The following CSMD1 variants were observed in gnomAD, a reference collection of about 807,000 sequenced individuals.
The protein encoded by CSMD1 is CUB and Sushi multiple domains 1, also known as CUB and sushi domain-containing protein 1.
CSMD1 carries 213 observed loss-of-function variants against 417.5 expected under a neutral mutation model. The observed-to-expected ratio is 0.51, with a 90% confidence interval of 0.46 to 0.57. The LOEUF (loss-of-function observed/expected upper bound fraction) is 0.57. CSMD1 is among the 20% of genes least tolerant of loss of function. The pLI, the probability that CSMD1 is intolerant of heterozygous loss-of-function variation, is 0.00. For synonymous variants in CSMD1, 2,862 were observed against 1,736.8 expected, an observed-to-expected ratio of 1.65 and a Z score of -16.11; for missense variants, 6,923 against 4,529.7, an observed-to-expected ratio of 1.53 and a Z score of -15.17.
At chr8:3,321,964 G>A (rs1292523458) in intron 23 of CSMD1, among the ~76,000 whole-genome samples, 1 of 152,150 alleles carries the variant, frequency 6.6e-6, no homozygotes, top group Non-Finnish European at 1.5e-5. Context: ...AACCTACACA[G>A]TTTCATAAAG....
intron 3 of CSMD1, among the ~76,000 whole-genome samples, chr8:4,111,666 G>A (rs1801862951): frequency 6.6e-6 from 1 of 152,166 alleles, no homozygotes; most frequent in Non-Finnish European, 1.5e-5. Flanking sequence ...AATTCCTGCA[G>A]GAAGCAAAAG....
chr8:3,271,209 G>T (rs888432273), intron 26 of CSMD1, among the ~76,000 whole-genome samples: 3 of 151,744 alleles, frequency 2.0e-5, no homozygotes, highest in African/African-American at 7.3e-5. Context: ...ATAGTTTACT[G>T]AGAATGATGA....
intron 3 of CSMD1, among the ~76,000 whole-genome samples, chr8:4,271,708 T>C (rs1338772841): frequency 6.6e-6 from 1 of 152,172 alleles, no homozygotes. Flanking sequence ...TAATCCTAAC[T>C]CACTACTAAA....
At chr8:3,874,694 C>G (rs1355875276) in intron 5 of CSMD1, among the ~76,000 whole-genome samples, 1 of 152,110 alleles carries the variant, frequency 6.6e-6, no homozygotes, top group African/African-American at 2.4e-5. Context: ...CTGCAAGTCC[C>G]TCCTACAACA....
intron 40 of CSMD1, among the ~76,000 whole-genome samples, chr8:3,150,701 A>G (rs1819143073): frequency 6.6e-6 from 1 of 152,188 alleles, no homozygotes; most frequent in Admixed American, 6.5e-5. Context: ...TGCTGTAGAG[A>G]AAATCACAAG....
chr8:3,455,076 T>C (rs139159024), intron 12 of CSMD1, among the ~76,000 whole-genome samples: 1 of 152,222 alleles, frequency 6.6e-6, no homozygotes, highest in East Asian at 1.9e-4. Context: ...CTTCCATCAC[T>C]GATACCCTTT....
intron 26 of CSMD1, among the ~76,000 whole-genome samples, chr8:3,242,715 G>A (rs1422295003): frequency 6.6e-6 from 1 of 151,864 alleles, no homozygotes; most frequent in Non-Finnish European, 1.5e-5. Flanking sequence ...CCATAGTGAA[G>A]GAAGCAAGCC....
At chr8:3,532,921 G>A (rs993403829) in intron 10 of CSMD1, among the ~76,000 whole-genome samples, 4 of 152,068 alleles carry the variant, frequency 2.6e-5, no homozygotes, top group African/African-American at 9.7e-5. Context: ...TATAAACCAT[G>A]ACATAGCACA....
intron 1 of CSMD1, among the ~76,000 whole-genome samples, chr8:4,774,987 A>G (rs1381596834): frequency 6.6e-6 from 1 of 152,184 alleles, no homozygotes; most frequent in African/African-American, 2.4e-5. Flanking sequence ...CAAATTACCC[A>G]GCCTCAGGTA....
At chr8:3,552,578 A>G (rs1433848983) in intron 10 of CSMD1, among the ~76,000 whole-genome samples, 1 of 152,196 alleles carries the variant, frequency 6.6e-6, no homozygotes, top group Non-Finnish European at 1.5e-5. Context: ...CATTGTGGTT[A>G]TGCAAATATA....
intron 1 of CSMD1, among the ~76,000 whole-genome samples, chr8:4,862,126 T>A (rs1186925691): frequency 6.6e-6 from 1 of 151,768 alleles, no homozygotes; most frequent in Non-Finnish European, 1.5e-5. Flanking sequence ...GCTCTAAGGG[T>A]CTGGGGACAA....
In CSMD1 at chr8:3,586,269, T is replaced by TAA; in HGVS notation, c.1098-10_1098-9insTT. 6.9e-7 allele frequency: 1 copy of TAA among 1,442,262 alleles called. No individual in the cohort carries two copies. The allele number at this position is 1,442,262 out of a possible 1,614,324, so 89.3% of individuals were successfully genotyped here. ...GTACATTTGCACCAACCCTAAGCCG[T>TAA]TAAAAAAGAAAAAAAAAAACCCAAA... On this transcript the variant is annotated splice_polypyrimidine_tract_variant and intron_variant, in intron 8 of 69. Transcript: ENST00000635120.
intron 3 of CSMD1, among the ~76,000 whole-genome samples, chr8:4,078,848 C>T (rs1189451360): frequency 4.2e-5 from 6 of 142,038 alleles, no homozygotes; most frequent in African/African-American, 1.1e-4. Flanking sequence ...TTATGTTGGC[C>T]AACGTAGTGA....
intron 3 of CSMD1, among the ~76,000 whole-genome samples, chr8:4,409,516 C>G (rs926891971): frequency 5.9e-5 from 9 of 152,094 alleles, no homozygotes; most frequent in Non-Finnish European, 1.3e-4. Context: ...TAACCCTAAC[C>G]AAAATATGTA....
chr8:4,812,892 G>C (rs1044924395), intron 1 of CSMD1, among the ~76,000 whole-genome samples: 3 of 152,168 alleles, frequency 2.0e-5, no homozygotes, highest in Admixed American at 6.5e-5. Flanking sequence ...TTGAGAAACA[G>C]GTAATATTGC....
chr8:4,798,767 A>T (rs762430710), intron 1 of CSMD1, among the ~76,000 whole-genome samples: 7 of 152,220 alleles, frequency 4.6e-5, no homozygotes, highest in Non-Finnish European at 8.8e-5. Flanking sequence ...GCTGATAAAA[A>T]CCTCATTAGT....
At chr8:4,598,196 G>T (rs914442918) in intron 2 of CSMD1, among the ~76,000 whole-genome samples, 7 of 152,132 alleles carry the variant, frequency 4.6e-5, no homozygotes, top group African/African-American at 1.7e-4. Flanking sequence ...AATTATCATA[G>T]TTGTAGGGAT....
chr8:4,358,823 G>A (rs1253322500), intron 3 of CSMD1, among the ~76,000 whole-genome samples: 3 of 152,096 alleles, frequency 2.0e-5, no homozygotes, highest in African/African-American at 7.2e-5. Context: ...AATCACGTAA[G>A]AGTGCCTTGG....
intron 3 of CSMD1, among the ~76,000 whole-genome samples, chr8:4,405,176 T>C (rs545045501): frequency 2.6e-5 from 4 of 152,318 alleles, no homozygotes; most frequent in African/African-American, 4.8e-5. Context: ...CCACCATAAA[T>C]CCTTTGTCAA....
Sources: allele counts gnomAD v4.1 joint callset (sites outside exome capture counted in the v4.1 genomes callset), GRCh38; gene constraint gnomAD v4.1.1; transcripts MANE v1.5; gene names NCBI Gene and HGNC (gene_info 2026-07-23, HGNC 2026-07-21).